Variants in ST8SIA5 observed in about 807,000 individuals in gnomAD.
ST8SIA5 encodes alpha-2,8-sialyltransferase 8E.
In ST8SIA5, 24 loss-of-function variants were observed where a neutral mutation model predicts 40.2. That is an observed-to-expected ratio of 0.60 (90% CI 0.43 to 0.84). ST8SIA5 has a LOEUF of 0.84. Among genes scored for constraint, ST8SIA5 ranks in the 40% least tolerant of loss-of-function variants. ST8SIA5 has a pLI of 0.00. For missense variants in ST8SIA5, 465 were observed against 498.5 expected (o/e 0.93, Z 0.64); for synonymous variants, 198 against 201.8 (o/e 0.98, Z 0.16).
rs959541140 is a variant in ST8SIA5 at position 46,679,453 on chromosome 18, G to C, written c.*589C>G. On this transcript the variant is annotated 3_prime_UTR_variant, in exon 7 of 7. Coordinates refer to ENST00000315087, the MANE Select transcript of ST8SIA5 (RefSeq NM_013305.6). ...ACCTGTCGGGTGGTGTGGCTTGGCT[G>C]TTAAGTCCCTGGACCTCTTGAGATC... 1.3e-5 allele frequency: 2 copies of C among 154,104 alleles called. No homozygotes were observed. Among genetic ancestry groups the C allele is most frequent in the African/African-American group, 4.8e-5 (2 of 41,430 alleles). The allele number at this position is 154,104 out of a possible 1,614,324, so 9.5% of individuals were successfully genotyped here.
intron 1 of ST8SIA5, among the ~76,000 whole-genome samples, chr18:46,745,417 C>T (rs148139203): frequency 2.6e-5 from 4 of 152,162 alleles, no homozygotes; most frequent in African/African-American, 7.2e-5. Context: ...TACAAACTAT[C>T]ATCAGAGAAT....
intron 1 of ST8SIA5, among the ~76,000 whole-genome samples, chr18:46,710,981 C>G (rs16939983): frequency 0.16 from 23,861 of 152,204 alleles, 1,997 homozygotes; most frequent in South Asian, 0.23. Context: ...TAAATCTCCA[C>G]TAGCCCTAGG....
At position 46,714,681 on chromosome 18, in the gene ST8SIA5, A is replaced by AG. The variant is rs576788461; in HGVS notation, c.132-10018dup. Among the ~76,000 whole-genome samples the AG allele has an allele frequency of 2.4e-4, 36 of 152,232 alleles. No individual in the cohort carries two copies. In the South Asian group the frequency reaches 5.8e-3, roughly 25 times the overall value. ...CAGAGAACCCCAGGAGTGACTGAGC[A>AG]GGGGGGGAAGAGACCCCCTCACTCC... On this transcript the variant is annotated intron_variant, in intron 1 of 6. Transcript: ENST00000315087.
intron 1 of ST8SIA5, among the ~76,000 whole-genome samples, chr18:46,745,801 G>A (rs903535931): frequency 6.6e-6 from 1 of 152,096 alleles, no homozygotes; most frequent in Admixed American, 6.6e-5. Context: ...GATAAACATC[G>A]ATGCAAAAGT....
chr18:46,701,307 AT>A, intron 2 of ST8SIA5, among the ~76,000 whole-genome samples: 1 of 151,424 alleles, frequency 6.6e-6, no homozygotes, highest in South Asian at 2.1e-4. Context: ...TGCCTAGCTA[AT>A]TTTTGTATTT....
chr18:46,750,581 CTT>C, intron 1 of ST8SIA5, among the ~76,000 whole-genome samples: 1 of 152,300 alleles, frequency 6.6e-6, no homozygotes, highest in East Asian at 1.9e-4. Flanking sequence ...CCCAAACTGT[CTT>C]TGCCTCTACT....
chr18:46,754,642 G>A (rs966323461), intron 1 of ST8SIA5, among the ~76,000 whole-genome samples: 10 of 152,376 alleles, frequency 6.6e-5, no homozygotes, highest in African/African-American at 2.2e-4. Context: ...GAGGGAGGAA[G>A]GGAAGCACCT....
rs1447499666 is a variant in ST8SIA5, at chr18:46,677,576, G to T, written c.*2466C>A. 1 of 152,202 alleles carries T rather than the reference G, an allele frequency of 6.6e-6. No individual in the cohort carries two copies. The highest frequency in any genetic ancestry group is 1.5e-5 in the Non-Finnish European group (1 of 68,044). The allele number at this position is 152,202 out of a possible 1,614,324, so 9.4% of individuals were successfully genotyped here. ...TACAGACGCTGAAGATTTTTACAAA[G>T]CTTCTAGTTGTAGAGATGAGGAAAC... On this transcript the variant is annotated 3_prime_UTR_variant, in exon 7 of 7. Transcript: ENST00000315087.
chr18:46,670,393 G>A lies in ST8SIA5; in HGVS notation c.*9649C>T, dbSNP rs191839321. The A allele has an allele frequency of 2.0e-5, 3 of 152,190 alleles. No individual in the cohort carries two copies. The highest frequency in any genetic ancestry group is 7.2e-5 in the African/African-American group (3 of 41,508). The allele number at this position is 152,190 out of a possible 1,614,324, so 9.4% of individuals were successfully genotyped here. A position where few individuals can be genotyped will look rare whatever the true frequency, so the allele number is the denominator to read the frequency against. On this transcript the variant is annotated 3_prime_UTR_variant, in exon 7 of 7. Coordinates refer to ENST00000315087, the MANE Select transcript of ST8SIA5 (RefSeq NM_013305.6). ...ATTCTCCCTCTCTTCCCCACTAAAC[G>A]ACCAACGACCTCAGGCTACTTGATG...
intron 1 of ST8SIA5, among the ~76,000 whole-genome samples, chr18:46,730,905 C>A (rs1359120449): frequency 1.3e-5 from 2 of 152,076 alleles, no homozygotes; most frequent in African/African-American, 4.8e-5. Context: ...TGCCTGAGAC[C>A]CAGAGTTAAA....
chr18:46,715,716 A>C (rs1001277800), intron 1 of ST8SIA5, among the ~76,000 whole-genome samples: 1 of 152,026 alleles, frequency 6.6e-6, no homozygotes, highest in Admixed American at 6.6e-5. Flanking sequence ...AGTAGCTAGG[A>C]CTACAAGCAT....
rs775908500 is a variant in ST8SIA5 at position 46,681,954 on chromosome 18, A to G, written c.662+18T>C. On this transcript the variant is annotated intron_variant, in intron 6 of 6. Coordinates refer to ENST00000315087, the MANE Select transcript of ST8SIA5 (RefSeq NM_013305.6). ...CTACCATTTTGGACAGTGCAGCTCT[A>G]GAAAGAGGGCCACTGACCTCTCTGT... 15 of 1,612,970 alleles carry G rather than the reference A, an allele frequency of 9.3e-6. No individual in the cohort carries two copies. Among genetic ancestry groups the G allele is most frequent in the Non-Finnish European group, 1.3e-5 (15 of 1,179,534 alleles).
chr18:46,744,096 G>A (rs1265460326), intron 1 of ST8SIA5, among the ~76,000 whole-genome samples: 5 of 152,178 alleles, frequency 3.3e-5, no homozygotes, highest in Non-Finnish European at 7.3e-5. Context: ...ACCGGTACCA[G>A]CCACTGCAAA....
At chr18:46,719,731 TC>T (rs35484898) in intron 1 of ST8SIA5, among the ~76,000 whole-genome samples, 62 of 69,426 alleles carry the variant, frequency 8.9e-4, no homozygotes, top group Middle Eastern at 7.8e-3. Flanking sequence ...TCTTTCTCTC[TC>T]TTCTTTCCTT....
intron 2 of ST8SIA5, among the ~76,000 whole-genome samples, chr18:46,698,271 C>G (rs1169594183): frequency 2.0e-5 from 3 of 149,884 alleles, no homozygotes; most frequent in African/African-American, 4.9e-5. Flanking sequence ...ATCCACAACA[C>G]CAATCAAACC....
At position 46,756,384 on chromosome 18, in the gene ST8SIA5, A is replaced by C. The variant is rs776029365; in HGVS notation, c.125T>G (p.Ile42Ser). 3.6e-5 allele frequency: 58 copies of C among 1,612,104 alleles called. No individual in the cohort carries two copies. Among genetic ancestry groups the C allele is most frequent in the Non-Finnish European group, 3.7e-5 (44 of 1,178,864 alleles). The change falls in exon 1 of 7, where the codon ATT becomes AGT. Residue 42 changes from isoleucine (I) to serine (S), a missense_variant. Ile to Ser is a moderately radical substitution (Grantham distance 142). Coordinates refer to ENST00000315087, the MANE Select transcript of ST8SIA5 (RefSeq NM_013305.6). ...LQQILYGRNY[I>S]KRYFEFYEGP... ...TCTCAATGGACTTTCTTACCTCTTA[A>C]TGTAGTTCCTGCCATACAGGATCTG...
intron 1 of ST8SIA5, among the ~76,000 whole-genome samples, chr18:46,712,996 T>C (rs2039748503): frequency 6.6e-6 from 1 of 152,128 alleles, no homozygotes; most frequent in Non-Finnish European, 1.5e-5. Context: ...TGCTCTGCAG[T>C]AGCAGCTGCC....
chr18:46,743,403 A>C (rs2040106324), intron 1 of ST8SIA5, among the ~76,000 whole-genome samples: 1 of 152,246 alleles, frequency 6.6e-6, no homozygotes, highest in Non-Finnish European at 1.5e-5. Flanking sequence ...ATGGTACAAG[A>C]ACTTCGTGAT....
intron 1 of ST8SIA5, among the ~76,000 whole-genome samples, chr18:46,737,803 C>T (rs2040049362): frequency 6.6e-6 from 1 of 151,890 alleles, no homozygotes; most frequent in South Asian, 2.1e-4. Flanking sequence ...CAGAGTCTCA[C>T]TGTGTCGCCC....
Sources: gnomAD v4.1 joint callset for allele counts (sites outside exome capture counted in the v4.1 genomes callset) on GRCh38, gnomAD v4.1.1 for gene constraint, MANE v1.5 for transcripts, NCBI Gene and HGNC (gene_info 2026-07-23, HGNC 2026-07-21) for gene names.